The following PHIP variants were observed in gnomAD, a reference collection of about 807,000 sequenced individuals.
The protein encoded by PHIP is PH-interacting protein.
Under a neutral mutation model 236.8 loss-of-function variants are expected in PHIP, and 54 were observed. That is an observed-to-expected ratio of 0.23 (90% confidence interval 0.18 to 0.29). The LOEUF (loss-of-function observed/expected upper bound fraction) is 0.29, where lower values mean the gene tolerates loss of function less well. PHIP is among the 10% of genes least tolerant of loss of function. The pLI, the probability that PHIP is intolerant of heterozygous loss-of-function variation, is 1.00. For missense variants in PHIP, 1,370 were observed against 2,190.8 expected (o/e 0.63, Z 7.48); for synonymous variants, 756 against 718.9 (o/e 1.05, Z -0.83).
Position 79,078,107 on chromosome 6 carries a change from G to A in PHIP, c.-39C>T. 6.2e-7 allele frequency: 1 copy of A among 1,602,362 alleles called. No homozygotes were observed. The highest frequency in any genetic ancestry group is 8.5e-7 in the Non-Finnish European group (1 of 1,175,254). ...TTCAGGGCCGCCGACGGGACACCCC[G>A]CCGCCGAGGGGAAGCGGGGACGGTG... On this transcript the variant is annotated 5_prime_UTR_variant, in exon 1 of 40. Coordinates refer to ENST00000275034, the MANE Select transcript of PHIP (RefSeq NM_017934.7).
At chr6:79,013,543 T>C (rs1770693827) in intron 15 of PHIP, among the ~76,000 whole-genome samples, 1 of 151,640 alleles carries the variant, frequency 6.6e-6, no homozygotes, top group African/African-American at 2.4e-5. Flanking sequence ...AAATATACAA[T>C]ATATTATGGC....
chr6:79,064,756 T>G (rs2127775310), intron 4 of PHIP, among the ~76,000 whole-genome samples: 1 of 152,264 alleles, frequency 6.6e-6, no homozygotes, highest in African/African-American at 2.4e-5. Context: ...GGTACCAGAG[T>G]CCAGTTCCAG....
intron 20 of PHIP, 112 bp downstream of exon 20, chr6:78,990,756 A>G: frequency 1.8e-6 from 1 of 545,106 alleles, no homozygotes; most frequent in South Asian, 3.4e-5. Context: ...TTACTATGTT[A>G]ATTTTTATCA....
intron 15 of PHIP, among the ~76,000 whole-genome samples, chr6:79,012,998 T>G (rs1770665437): frequency 1.3e-5 from 2 of 151,764 alleles, no homozygotes; most frequent in Admixed American, 6.6e-5. Flanking sequence ...AGCTATGCAG[T>G]AACATTGACA....
Position 78,946,098 on chromosome 6 carries a change from C to G in PHIP, c.4533G>C (p.Val1511=). The part of the protein sequence containing the change: ...SSVVRTRSNR[V]VVDPVVTEQP... The stretch of plus-strand genomic sequence containing the variant: ...GCTCAGTGACAACTGGATCTACAAC[C>G]ACTCGGTTGCTTCTGGTTCGAACCA... Residue 1511 remains valine, a synonymous_variant, in exon 38 of 40, where the codon GTG becomes GTC. Transcript: ENST00000275034. 6.2e-7 allele frequency: 1 copy of G among 1,613,834 alleles called. No homozygotes were observed.
intron 15 of PHIP, among the ~76,000 whole-genome samples, chr6:79,011,940 A>G (rs1770599808): frequency 6.6e-6 from 1 of 151,586 alleles, no homozygotes; most frequent in Admixed American, 6.6e-5. Flanking sequence ...TCAGTGCAAT[A>G]TTAAAATATT....
At chr6:79,028,682 T>G (rs1169950272) in intron 7 of PHIP, among the ~76,000 whole-genome samples, 2 of 152,232 alleles carry the variant, frequency 1.3e-5, no homozygotes, top group Non-Finnish European at 2.9e-5. Context: ...ACTGAAGCAA[T>G]TTTGGTTCTC....
At position 78,997,395 on chromosome 6, in the gene PHIP, A is replaced by C. The variant is rs201478919; in HGVS notation, c.2201+19T>G. On this transcript the variant is annotated intron_variant, in intron 19 of 39. Transcript: ENST00000275034. ...AACCCAAGGAACTATGGTACATAAAAATTCACAACTTCCCTTACCTGGCTA... is the reference window on the plus strand; with the variant it reads ...AACCCAAGGAACTATGGTACATAAACATTCACAACTTCCCTTACCTGGCTA... 3.8e-5 allele frequency: 61 copies of C among 1,610,618 alleles called. No individual in the cohort carries two copies. The East Asian group carries it at 5.8e-4, about 15-fold the overall frequency.
intron 19 of PHIP, among the ~76,000 whole-genome samples, chr6:78,991,365 A>G (rs975045478): frequency 6.7e-6 from 1 of 149,544 alleles, no homozygotes; most frequent in African/African-American, 2.5e-5. Context: ...TTCCATATAG[A>G]TAGCTGGAAT....
At chr6:79,044,157 T>G (rs965092039) in intron 6 of PHIP, among the ~76,000 whole-genome samples, 2 of 152,022 alleles carry the variant, frequency 1.3e-5, no homozygotes, top group Non-Finnish European at 2.9e-5. Flanking sequence ...CCTTTACAGG[T>G]TCCTAAGCAG....
chr6:78,960,137 CTACTG>C (rs2127696735), intron 31 of PHIP, among the ~76,000 whole-genome samples: 2 of 152,236 alleles, frequency 1.3e-5, no homozygotes, highest in South Asian at 4.1e-4. Context: ...AGTATGGTTT[CTACTG>C]AATTCATATC....
At chr6:79,003,515 T>C (rs535029098) in intron 16 of PHIP, among the ~76,000 whole-genome samples, 13 of 152,092 alleles carry the variant, frequency 8.5e-5, no homozygotes, top group Non-Finnish European at 1.2e-4. Context: ...TCCTGAAATA[T>C]GCAGATTTTC....
At chr6:79,015,466 C>T (rs1052587888) in intron 14 of PHIP, among the ~76,000 whole-genome samples, 164 bp downstream of exon 14, 1 of 151,680 alleles carries the variant, frequency 6.6e-6, no homozygotes, top group African/African-American at 2.4e-5. Context: ...CCAAGCCAAA[C>T]CTGTTTAACT....
At chr6:79,058,657 T>C (rs1007072735) in intron 6 of PHIP, among the ~76,000 whole-genome samples, 1 of 152,126 alleles carries the variant, frequency 6.6e-6, no homozygotes, top group Non-Finnish European at 1.5e-5. Context: ...TAATAGTTCC[T>C]ACCTATAGAA....
chr6:78,978,772 T>A, intron 23 of PHIP, 61 bp from the exon 24 acceptor site: 1 of 1,331,780 alleles, frequency 7.5e-7, no homozygotes, highest in Non-Finnish European at 1.1e-6. Flanking sequence ...TCCACAAATC[T>A]ACTCTTTAAA....
chr6:79,044,133 G>C (rs904306868), intron 6 of PHIP, among the ~76,000 whole-genome samples: 6 of 151,978 alleles, frequency 3.9e-5, no homozygotes, highest in African/African-American at 1.4e-4. Flanking sequence ...TGGGCCTGGT[G>C]AGGAGATATA....
Position 79,075,103 on chromosome 6 carries a change from A to C in PHIP, c.189+2345T>G, listed in dbSNP as rs895902174. Among the ~76,000 whole-genome samples, 8 of 152,280 alleles carry C rather than the reference A, an allele frequency of 5.3e-5. No homozygotes were observed. In the East Asian group the frequency reaches 1.3e-3, roughly 26 times the overall value. ...AAAACTTTTTAAGTCAGAATAATTA[A>C]AATAGAAAATACTGTACAAGAGACT... On this transcript the variant is annotated intron_variant, in intron 4 of 39. Transcript: ENST00000275034.
At chr6:79,016,490 T>C (rs1441291576) in intron 13 of PHIP, 54 bp downstream of exon 13, 2 of 1,133,134 alleles carry the variant, frequency 1.8e-6, no homozygotes, top group Non-Finnish European at 2.6e-6. Flanking sequence ...ACCTGCACTA[T>C]AACATACTTT....
chr6:78,946,583 G>T, intron 37 of PHIP, 128 bp downstream of exon 37: 2 of 1,411,120 alleles, frequency 1.4e-6, no homozygotes, highest in East Asian at 2.6e-5. Flanking sequence ...CCACATCATA[G>T]GAACTTGCAT....
Sources: allele counts gnomAD v4.1 joint callset (sites outside exome capture counted in the v4.1 genomes callset), GRCh38; gene constraint gnomAD v4.1.1; transcripts MANE v1.5; gene names NCBI Gene and HGNC (gene_info 2026-07-23, HGNC 2026-07-21).